The following NAALADL2 variants were observed in gnomAD, a reference collection of about 807,000 sequenced individuals.
NAALADL2 encodes the protein N-acetylated alpha-linked acidic dipeptidase like 2, also known as inactive N-acetylated-alpha-linked acidic dipeptidase-like protein 2.
NAALADL2 carries 76 observed loss-of-function variants against 87.2 expected under a neutral mutation model. That is an observed-to-expected ratio of 0.87 (90% CI 0.72 to 1.05). The LOEUF (loss-of-function observed/expected upper bound fraction) is 1.05. NAALADL2 is among the 50% of genes least tolerant of loss of function. NAALADL2 has a pLI of 0.00. For synonymous variants in NAALADL2, 354 were observed against 331.0 expected (o/e 1.07, Z -0.75); for missense variants, 1,089 against 945.8 (o/e 1.15, Z -1.99).
intron 1 of NAALADL2, among the ~76,000 whole-genome samples, chr3:174,490,749 C>G (rs1718135796): frequency 6.6e-6 from 1 of 151,964 alleles, no homozygotes; most frequent in African/African-American, 2.4e-5. Flanking sequence ...CCTTTCTATT[C>G]AAAGAGCGCT....
At chr3:174,498,436 T>C (rs2108363452) in intron 1 of NAALADL2, among the ~76,000 whole-genome samples, 1 of 152,022 alleles carries the variant, frequency 6.6e-6, no homozygotes, top group East Asian at 1.9e-4. Context: ...TTGTTAATTC[T>C]TTTTCCTTGT....
intron 2 of NAALADL2, among the ~76,000 whole-genome samples, chr3:175,130,291 G>T (rs1044015273): frequency 9.2e-5 from 14 of 151,950 alleles, no homozygotes; most frequent in African/African-American, 2.7e-4. Flanking sequence ...CCATTCTGTG[G>T]GTTGCCTTTT....
At chr3:174,700,696 C>T (rs1251983630) in intron 2 of NAALADL2, among the ~76,000 whole-genome samples, 1 of 151,970 alleles carries the variant, frequency 6.6e-6, no homozygotes, top group African/African-American at 2.4e-5. Flanking sequence ...TGATGGAAGT[C>T]AGATAATATA....
At chr3:175,188,565 G>A (rs1737677768) in intron 2 of NAALADL2, among the ~76,000 whole-genome samples, 1 of 152,048 alleles carries the variant, frequency 6.6e-6, no homozygotes, top group Non-Finnish European at 1.5e-5. Context: ...ACTGAGCTGT[G>A]CCATCTCATC....
chr3:174,504,446 A>C (rs890757605), intron 1 of NAALADL2, among the ~76,000 whole-genome samples: 1 of 152,080 alleles, frequency 6.6e-6, no homozygotes, highest in Non-Finnish European at 1.5e-5. Context: ...ATTAGATGCT[A>C]TTGGTAGAAT....
chr3:174,598,982 A>T (rs1011055014), intron 2 of NAALADL2, among the ~76,000 whole-genome samples: 1 of 152,180 alleles, frequency 6.6e-6, no homozygotes, highest in East Asian at 1.9e-4. Flanking sequence ...AGCTCCATGT[A>T]ACATTTTAAT....
At chr3:175,080,034 C>T (rs948764151) in intron 1 of NAALADL2, among the ~76,000 whole-genome samples, 3 of 151,410 alleles carry the variant, frequency 2.0e-5, no homozygotes, top group Non-Finnish European at 4.4e-5. Context: ...GGAGCGATCT[C>T]GGCTCACTGC....
chr3:175,611,326 A>G (rs1178875955), intron 10 of NAALADL2, among the ~76,000 whole-genome samples: 1 of 152,120 alleles, frequency 6.6e-6, no homozygotes, highest in Non-Finnish European at 1.5e-5. Flanking sequence ...ACTGATAAAT[A>G]GTTAACTTGA....
chr3:175,319,903 T>G (rs953107714), intron 4 of NAALADL2, among the ~76,000 whole-genome samples: 2 of 152,224 alleles, frequency 1.3e-5, no homozygotes, highest in Non-Finnish European at 2.9e-5. Context: ...CTTGAAAGCC[T>G]GCTAAGTGCA....
intron 1 of NAALADL2, among the ~76,000 whole-genome samples, chr3:174,916,012 C>T (rs1734330275): frequency 6.6e-6 from 1 of 152,010 alleles, no homozygotes; most frequent in Non-Finnish European, 1.5e-5. Flanking sequence ...CTACAAGGGA[C>T]TGAAACAAAT....
rs1275412089 is a variant in NAALADL2 at position 174,925,540 on chromosome 3, T to A, written c.43+66090T>A. 2.6e-5 allele frequency among the ~76,000 whole-genome samples: 4 copies of A among 152,298 alleles called. No homozygotes were observed. The East Asian group carries it at 5.8e-4, about 22-fold the overall frequency. On this transcript the variant is annotated intron_variant, in intron 1 of 13. Transcript: ENST00000454872. The stretch of plus-strand genomic sequence containing the variant: ...GCTTTGTTCTTTCGGCTTAGAATTG[T>A]TTTGGCTATGCGGGCTCTTTTTTGG...
intron 3 of NAALADL2, among the ~76,000 whole-genome samples, chr3:174,783,982 T>C (rs539316185): frequency 6.6e-6 from 1 of 152,182 alleles, no homozygotes; most frequent in African/African-American, 2.4e-5. Flanking sequence ...AAAGAATATA[T>C]ACTAGTTTGA....
chr3:175,068,561 G>A (rs1305107031), intron 1 of NAALADL2, among the ~76,000 whole-genome samples: 1 of 152,066 alleles, frequency 6.6e-6, no homozygotes, highest in East Asian at 1.9e-4. Flanking sequence ...AAACTTGGGA[G>A]GACGTCTCTT....
chr3:175,313,388 G>C (rs1758632393), intron 4 of NAALADL2, among the ~76,000 whole-genome samples: 1 of 152,146 alleles, frequency 6.6e-6, no homozygotes, highest in South Asian at 2.1e-4. Flanking sequence ...GATTCAGAAA[G>C]CTTTTCTAGC....
chr3:174,981,760 T>G (rs892812868), intron 1 of NAALADL2, among the ~76,000 whole-genome samples: 1 of 152,164 alleles, frequency 6.6e-6, no homozygotes, highest in Non-Finnish European at 1.5e-5. Context: ...TGTCAGTTGG[T>G]GACTCCATAA....
chr3:175,613,890 A>G (rs1316197208), intron 10 of NAALADL2, among the ~76,000 whole-genome samples: 1 of 152,202 alleles, frequency 6.6e-6, no homozygotes, highest in East Asian at 1.9e-4. Flanking sequence ...ATAGAATACA[A>G]GGATTGACAT....
intron 2 of NAALADL2, among the ~76,000 whole-genome samples, chr3:174,593,289 A>G (rs73042672): frequency 0.02 from 3,036 of 152,254 alleles, 103 homozygotes; most frequent in African/African-American, 0.068. Flanking sequence ...AATGTATAAC[A>G]GAGTAACTAT....
intron 4 of NAALADL2, among the ~76,000 whole-genome samples, chr3:175,265,609 A>G (rs1751792154): frequency 6.6e-6 from 1 of 151,676 alleles, no homozygotes; most frequent in African/African-American, 2.4e-5. Context: ...ACTATAAAAT[A>G]TGTGGAGGCA....
chr3:175,718,731 A>C, intron 11 of NAALADL2: 1 of 1,215,194 alleles, frequency 8.2e-7, no homozygotes, highest in Non-Finnish European at 1.2e-6. Flanking sequence ...ATCAAGACCA[A>C]CCTGGGCAAC....
Sources: gnomAD v4.1 joint callset for allele counts (sites outside exome capture counted in the v4.1 genomes callset) on GRCh38, gnomAD v4.1.1 for gene constraint, MANE v1.5 for transcripts, NCBI Gene and HGNC (gene_info 2026-07-23, HGNC 2026-07-21) for gene names.